DPYS: variants seen among roughly 807,000 people sequenced by gnomAD.
DPYS encodes the protein dihydropyrimidine amidohydrolase.
In DPYS, 39 loss-of-function variants were observed where a neutral mutation model predicts 50.3. The ratio of observed to expected loss-of-function variants is 0.78; its 90% CI spans 0.60 to 1.01. The LOEUF (loss-of-function observed/expected upper bound fraction) is 1.01, where lower values mean the gene tolerates loss of function less well. Ranked by LOEUF, DPYS falls within the 50% of genes least tolerant of loss-of-function variation. The probability of loss-of-function intolerance (pLI) is 0.00; values close to 1 mark genes in which losing one functional copy is unlikely to be tolerated. For synonymous variants in DPYS, 245 were observed against 250.7 expected, an observed-to-expected ratio of 0.98 and a Z score of 0.22; for missense variants, 659 against 680.9, an observed-to-expected ratio of 0.97 and a Z score of 0.36.
rs759972214 is a variant in DPYS, at chr8:104,392,857, G to GTT, written c.1369_1370insAA (p.Ala457GlufsTer21). 1.9e-6 allele frequency: 3 copies of GTT among 1,614,144 alleles called. 1 individual carries two copies. The highest frequency in any genetic ancestry group is 1.7e-5 in the Admixed American group (1 of 60,020). Reference sequence around the variant, plus strand: ...TCGAGGAATAAACTTCCCATCTCCTGCCGTGACACTGAACACTCCGGCTTC... The same window carrying GTT: ...TCGAGGAATAAACTTCCCATCTCCTGTTCCGTGACACTGAACACTCCGGCTTC... On this transcript the variant is annotated frameshift_variant, in exon 8 of 10. Coordinates refer to ENST00000351513, the MANE Select transcript of DPYS (RefSeq NM_001385.3). LOFTEE classifies it high-confidence loss of function.
At chr8:104,444,215 T>G in intron 4 of DPYS, 33 bp downstream of exon 4, 1 of 1,612,562 alleles carries the variant, frequency 6.2e-7, no homozygotes, top group Non-Finnish European at 8.5e-7. Flanking sequence ...CAGCTAACAC[T>G]GAGTTCTAAG....
intron 3 of DPYS, among the ~76,000 whole-genome samples, chr8:104,446,372 C>T (rs1315856259): frequency 2.0e-5 from 3 of 152,172 alleles, no homozygotes; most frequent in African/African-American, 7.2e-5. Flanking sequence ...AATAAAAATA[C>T]TGTGGATCCT....
In DPYS at chr8:104,466,988, G is replaced by T; in HGVS notation, c.-68C>A. 4 of 1,359,752 alleles carry T rather than the reference G, an allele frequency of 2.9e-6. No homozygotes were observed. Among genetic ancestry groups the T allele is most frequent in the Non-Finnish European group, 1.9e-6 (2 of 1,062,632 alleles). The allele number at this position is 1,359,752 out of a possible 1,614,324, so 84.2% of individuals were successfully genotyped here. On this transcript the variant is annotated 5_prime_UTR_variant, in exon 1 of 10. Transcript: ENST00000351513. The stretch of plus-strand genomic sequence containing the variant: ...AGGGGCTGGGTTGGGCGGGCCGGGC[G>T]GGCTTGGGGTGCCCTCCTGCAAGGT...
chr8:104,413,885 T>A (rs888868615), intron 7 of DPYS, among the ~76,000 whole-genome samples: 1 of 152,158 alleles, frequency 6.6e-6, no homozygotes, highest in Non-Finnish European at 1.5e-5. Flanking sequence ...GACAAGTGTG[T>A]GTCAAGAGAA....
intron 2 of DPYS, among the ~76,000 whole-genome samples, chr8:104,449,135 A>C (rs1813641140): frequency 2.0e-5 from 3 of 152,240 alleles, no homozygotes; most frequent in Admixed American, 2.0e-4. Flanking sequence ...GTTAAGTGAC[A>C]ACAGCAAGGG....
intron 2 of DPYS, among the ~76,000 whole-genome samples, chr8:104,448,980 C>T: frequency 6.6e-6 from 1 of 152,136 alleles, no homozygotes; most frequent in Non-Finnish European, 1.5e-5. Flanking sequence ...TAAGGCTTGT[C>T]CACTGCTGTA....
chr8:104,444,746 CA>C (rs1464979798), intron 3 of DPYS, among the ~76,000 whole-genome samples: 3 of 151,818 alleles, frequency 2.0e-5, no homozygotes, highest in Non-Finnish European at 2.9e-5. Flanking sequence ...GCAACCAAAG[CA>C]AAAATGGACA....
At chr8:104,384,419 A>G (rs1811149285) in intron 8 of DPYS, among the ~76,000 whole-genome samples, 1 of 152,238 alleles carries the variant, frequency 6.6e-6, no homozygotes, top group African/African-American at 2.4e-5. Flanking sequence ...GTTCACTGTG[A>G]CAAAATGGAA....
intron 1 of DPYS, among the ~76,000 whole-genome samples, chr8:104,465,407 C>A (rs1226934836): frequency 1.3e-5 from 2 of 152,160 alleles, no homozygotes; most frequent in African/African-American, 4.8e-5. Context: ...AAGTGAAAAG[C>A]CAAGGCCTTT....
intron 3 of DPYS, among the ~76,000 whole-genome samples, chr8:104,445,686 C>CA (rs935349731): frequency 7.4e-5 from 11 of 149,078 alleles, no homozygotes; most frequent in Admixed American, 2.7e-4. Flanking sequence ...GTGTGTAAAA[C>CA]AAAAAAAAAG....
intron 7 of DPYS, among the ~76,000 whole-genome samples, chr8:104,405,210 A>G (rs1282555155): frequency 6.6e-6 from 1 of 152,226 alleles, no homozygotes; most frequent in African/African-American, 2.4e-5. Flanking sequence ...ACATTGCCTC[A>G]TTGAATCTCT....
At chr8:104,429,488 CT>C in intron 5 of DPYS, 56 bp downstream of exon 5, 1 of 1,611,804 alleles carries the variant, frequency 6.2e-7, no homozygotes, top group East Asian at 2.2e-5. Context: ...GACGAGCTCC[CT>C]TCTACCCAAA....
chr8:104,381,093 T>A, intron 9 of DPYS, 91 bp downstream of exon 9: 1 of 1,094,796 alleles, frequency 9.1e-7, no homozygotes, highest in Non-Finnish European at 1.4e-6. Flanking sequence ...CTGTGAAGCC[T>A]CTGACCTTGA....
At chr8:104,460,518 A>G (rs1196069056) in intron 1 of DPYS, among the ~76,000 whole-genome samples, 1 of 152,148 alleles carries the variant, frequency 6.6e-6, no homozygotes, top group Non-Finnish European at 1.5e-5. Flanking sequence ...TTTCTTTATA[A>G]ATTACCCAGT....
At chr8:104,389,506 T>A (rs544746514) in intron 8 of DPYS, among the ~76,000 whole-genome samples, 5 of 151,826 alleles carry the variant, frequency 3.3e-5, no homozygotes, top group Admixed American at 2.0e-4. Flanking sequence ...CATTTCTCCA[T>A]GATTTGGGTT....
Position 104,387,481 on chromosome 8 carries a change from C to T in DPYS, c.1443+5303G>A, listed in dbSNP as rs146073856. On this transcript the variant is annotated intron_variant, in intron 8 of 9. Coordinates refer to ENST00000351513, the MANE Select transcript of DPYS (RefSeq NM_001385.3). ...CTGTGCAGAGGGGAGACTGAGGGAGCGATATCATAAGGATGGGGGAATGGG... is the reference window on the plus strand; with the variant it reads ...CTGTGCAGAGGGGAGACTGAGGGAGTGATATCATAAGGATGGGGGAATGGG... Among the ~76,000 whole-genome samples, 362 of 152,052 alleles carry T rather than the reference C, an allele frequency of 2.4e-3. 4 individuals carry two copies. The highest frequency in any genetic ancestry group is 8.2e-3 in the African/African-American group (339 of 41,480).
intron 1 of DPYS, among the ~76,000 whole-genome samples, chr8:104,460,481 G>A (rs114312625): frequency 0.013 from 1,911 of 152,276 alleles, 43 homozygotes; most frequent in African/African-American, 0.042. Flanking sequence ...TGTACAGCCT[G>A]TGAAACTGTG....
intron 5 of DPYS, 74 bp from the exon 6 acceptor site, chr8:104,428,195 C>G: frequency 1.3e-6 from 2 of 1,588,944 alleles, no homozygotes; most frequent in Non-Finnish European, 1.7e-6. Flanking sequence ...CATAACCTTT[C>G]CTAATCTCCT....
At chr8:104,410,142 T>C (rs1812126065) in intron 7 of DPYS, among the ~76,000 whole-genome samples, 1 of 152,214 alleles carries the variant, frequency 6.6e-6, no homozygotes, top group Admixed American at 6.5e-5. Context: ...AAGTCACTTC[T>C]GACTCCTCTC....
Sources: allele counts gnomAD v4.1 joint callset (sites outside exome capture counted in the v4.1 genomes callset), GRCh38; gene constraint gnomAD v4.1.1; transcripts MANE v1.5; gene names NCBI Gene and HGNC (gene_info 2026-07-23, HGNC 2026-07-21).